CUL1: variants seen among roughly 807,000 people sequenced by gnomAD.
The protein encoded by CUL1 is cullin 1.
Under a neutral mutation model 118.0 loss-of-function variants are expected in CUL1, and 24 were observed. That is an observed-to-expected ratio of 0.20 (90% CI 0.15 to 0.29). The LOEUF is 0.29. Among genes scored for constraint, CUL1 ranks in the 10% least tolerant of loss-of-function variants. The probability of loss-of-function intolerance (pLI) is 1.00; values close to 1 mark genes in which losing one functional copy is unlikely to be tolerated. For synonymous variants in CUL1, 332 were observed against 340.4 expected, an observed-to-expected ratio of 0.98 and a Z score of 0.27; for missense variants, 361 against 933.8, an observed-to-expected ratio of 0.39 and a Z score of 7.99.
chr7:148,780,693 T>C (rs1800595655), intron 9 of CUL1, among the ~76,000 whole-genome samples: 1 of 152,228 alleles, frequency 6.6e-6, no homozygotes, highest in South Asian at 2.1e-4. Context: ...TGAAATCATA[T>C]AGGAGTTGAA....
intron 1 of CUL1, among the ~76,000 whole-genome samples, chr7:148,711,938 C>T (rs896051367): frequency 1.3e-5 from 2 of 152,194 alleles, no homozygotes. Flanking sequence ...GGAAGTGGAC[C>T]TCACGTGCAC....
At chr7:148,697,854 A>G (rs1434681598), upstream of CUL1, 1 of 152,246 alleles carries the variant, frequency 6.6e-6, no homozygotes, top group African/African-American at 2.4e-5. Flanking sequence ...AATATTCCAA[A>G]TAGTCAATTA....
rs145563536 is a variant in CUL1 at position 148,797,823 on chromosome 7, G to T, written c.1911G>T (p.Ala637=). The stretch of plus-strand genomic sequence containing the variant: ...CTCTTTAATTGCAGGACATTTTGGC[G>T]CAAGTTTTACAGATTTTATTAAAGT... ...DSTQIKMDIL[A]QVLQILLKSK... The change falls in exon 18 of 22, where the codon GCG becomes GCT. Residue 637 remains alanine, a synonymous_variant. Transcript: ENST00000325222. The T allele has an allele frequency of 6.2e-7, 1 of 1,612,672 alleles. No homozygotes were observed. Among genetic ancestry groups the T allele is most frequent in the African/African-American group, 1.3e-5 (1 of 74,774 alleles).
intron 9 of CUL1, among the ~76,000 whole-genome samples, chr7:148,771,357 T>C (rs940492921): frequency 2.6e-5 from 4 of 152,370 alleles, no homozygotes; most frequent in Admixed American, 6.5e-5. Flanking sequence ...AACCTACTTA[T>C]GAATTTTTCT....
intron 2 of CUL1, among the ~76,000 whole-genome samples, chr7:148,744,578 C>G (rs557932248): frequency 6.6e-6 from 1 of 152,022 alleles, no homozygotes; most frequent in Non-Finnish European, 1.5e-5. Flanking sequence ...CTACTCGTAT[C>G]GCTCTCCTTT....
At chr7:148,757,935 A>G (rs1799709504) in intron 4 of CUL1, among the ~76,000 whole-genome samples, 1 of 152,222 alleles carries the variant, frequency 6.6e-6, no homozygotes. Context: ...GTTGTCTCCC[A>G]CTGGGTGCCT....
In CUL1 at chr7:148,721,059, A is replaced by G. The variant is rs548353307; in HGVS notation, c.-161-8903A>G. On this transcript the variant is annotated intron_variant, in intron 1 of 21. Transcript: ENST00000325222. ...TTTAAAACTTAAAGGGAATTTAATA[A>G]TTTCTTGTGGAATTCAAGAATTTCT... is the stretch of plus-strand genomic sequence containing the variant. Among the ~76,000 whole-genome samples the G allele has an allele frequency of 5.9e-5, 9 of 152,314 alleles. No individual in the cohort carries two copies. In the East Asian group the frequency reaches 9.6e-4, roughly 16 times the overall value.
intron 2 of CUL1, among the ~76,000 whole-genome samples, chr7:148,746,143 G>A (rs1799304381): frequency 6.6e-6 from 1 of 152,144 alleles, no homozygotes; most frequent in Non-Finnish European, 1.5e-5. Flanking sequence ...AGTAATGGTG[G>A]GGAGGGGCAG....
In CUL1 at chr7:148,798,176, C is replaced by T. The variant is rs199836456; in HGVS notation, c.2030+157C>T. ...GGAGTGTGAGGTAGGCCTTTGATTC[C>T]ATTCAGCGAGCCTGATGTTTCTCCA... is the stretch of plus-strand genomic sequence containing the variant. On this transcript the variant is annotated intron_variant, in intron 19 of 21. Transcript: ENST00000325222. Among the ~76,000 whole-genome samples, 60 of 152,232 alleles carry T rather than the reference C, an allele frequency of 3.9e-4. No individual in the cohort carries two copies. The East Asian group carries it at 5.2e-3, about 13-fold the overall frequency.
intron 17 of CUL1, among the ~76,000 whole-genome samples, chr7:148,794,012 C>A (rs1301383479): frequency 6.6e-6 from 1 of 151,926 alleles, no homozygotes; most frequent in Non-Finnish European, 1.5e-5. Context: ...TGTGTAGAAT[C>A]TTTTTTGTGT....
intron 1 of CUL1, among the ~76,000 whole-genome samples, chr7:148,724,523 G>C (rs1196213310): frequency 6.6e-6 from 1 of 152,208 alleles, no homozygotes; most frequent in African/African-American, 2.4e-5. Flanking sequence ...TGGAAGCACA[G>C]CTGGCTCTGC....
chr7:148,791,633 G>T (rs180733421), intron 16 of CUL1, among the ~76,000 whole-genome samples: 350 of 152,350 alleles, frequency 2.3e-3, no homozygotes, highest in Admixed American at 4.0e-3. Flanking sequence ...CAACACGCTC[G>T]TTCCCTTGTA....
chr7:148,798,802 G>A, intron 20 of CUL1, 125 bp downstream of exon 20: 1 of 778,024 alleles, frequency 1.3e-6, no homozygotes, highest in Non-Finnish European at 2.3e-6. Flanking sequence ...GGTCTGTGAT[G>A]GCAGAAGGTG....
At chr7:148,752,751 C>G (rs887187338) in intron 2 of CUL1, among the ~76,000 whole-genome samples, 1 of 152,202 alleles carries the variant, frequency 6.6e-6, no homozygotes, top group Non-Finnish European at 1.5e-5. Context: ...CGGGTTCATG[C>G]CATTCTCCTG....
At chr7:148,772,040 A>AT (rs1193511456) in intron 9 of CUL1, among the ~76,000 whole-genome samples, 4 of 152,140 alleles carry the variant, frequency 2.6e-5, no homozygotes, top group South Asian at 2.1e-4. Flanking sequence ...CACCTTAATG[A>AT]TTTTTTTGAC....
At chr7:148,751,147 A>T (rs1275523602) in intron 2 of CUL1, among the ~76,000 whole-genome samples, 1 of 152,132 alleles carries the variant, frequency 6.6e-6, no homozygotes, top group Non-Finnish European at 1.5e-5. Flanking sequence ...GGCAACTCTT[A>T]ATAAAGTTAA....
In CUL1 at chr7:148,726,833, CA is replaced by C. The variant is rs11408081; in HGVS notation, c.-161-3112del. ...TAACATGACGAAACCCCATCTCTAC[CA>C]AAAAAAAAAAAAAAAATTTTTTTTT... is the stretch of plus-strand genomic sequence containing the variant. On this transcript the variant is annotated intron_variant, in intron 1 of 21. Coordinates refer to ENST00000325222, the MANE Select transcript of CUL1 (RefSeq NM_003592.3). Among the ~76,000 whole-genome samples, 639 of 131,638 alleles carry C rather than the reference CA, an allele frequency of 4.9e-3. 1 individual carries two copies. The highest frequency in any genetic ancestry group is 0.01 in the African/African-American group (364 of 36,022). 86.4% of individuals were successfully genotyped at this position (131,638 alleles called of 152,430 possible).
intron 17 of CUL1, among the ~76,000 whole-genome samples, chr7:148,796,637 G>A (rs894815920): frequency 6.6e-6 from 1 of 152,176 alleles, no homozygotes; most frequent in African/African-American, 2.4e-5. Flanking sequence ...GGGTCCTGAG[G>A]ACAGGGCTGA....
chr7:148,739,583 G>T lies in CUL1; in HGVS notation c.140+9321G>T, dbSNP rs1799075137. On this transcript the variant is annotated intron_variant, in intron 2 of 21. Transcript: ENST00000325222. The stretch of plus-strand genomic sequence containing the variant: ...TCGCCTCCTGTTTTTTCCATTTTGG[G>T]GATATTTTGCTTTTTGTTAGTTTTA... 2.0e-5 allele frequency among the ~76,000 whole-genome samples: 3 copies of T among 152,010 alleles called. No homozygotes were observed. In the South Asian group the frequency reaches 6.2e-4, roughly 32 times the overall value.
Sources: allele counts gnomAD v4.1 joint callset (sites outside exome capture counted in the v4.1 genomes callset), GRCh38; gene constraint gnomAD v4.1.1; transcripts MANE v1.5; gene names NCBI Gene and HGNC (gene_info 2026-07-23, HGNC 2026-07-21).